Variants in KCNIP1 observed in about 807,000 individuals in gnomAD.
The protein encoded by KCNIP1 is potassium voltage-gated channel interacting protein 1.
A neutral mutation model predicts 33.0 loss-of-function variants in KCNIP1; 18 were observed. The ratio of observed to expected loss-of-function variants is 0.55; its 90% CI spans 0.38 to 0.81. KCNIP1 has a LOEUF of 0.81. Among genes scored for constraint, KCNIP1 ranks in the 30% least tolerant of loss-of-function variants. The probability of loss-of-function intolerance (pLI) is 0.00; values close to 1 mark genes in which losing one functional copy is unlikely to be tolerated. For synonymous variants in KCNIP1, 93 were observed against 98.3 expected (o/e 0.95, Z 0.32); for missense variants, 238 against 271.6 (o/e 0.88, Z 0.87).
intron 1 of KCNIP1, among the ~76,000 whole-genome samples, chr5:170,418,390 C>G (rs574021546): frequency 2.0e-5 from 3 of 152,180 alleles, no homozygotes; most frequent in African/African-American, 7.2e-5. Context: ...GACTGCACCA[C>G]TGCGCTCCAG....
At chr5:170,599,125 AACTG>A (rs1269336069) in intron 1 of KCNIP1, among the ~76,000 whole-genome samples, 1 of 152,020 alleles carries the variant, frequency 6.6e-6, no homozygotes, top group Non-Finnish European at 1.5e-5. Flanking sequence ...CACCAGATAG[AACTG>A]ACTCACTCCT....
At chr5:170,644,695 G>C (rs978983326) in intron 1 of KCNIP1, among the ~76,000 whole-genome samples, 3 of 152,240 alleles carry the variant, frequency 2.0e-5, no homozygotes, top group Non-Finnish European at 4.4e-5. Flanking sequence ...CCATCAGCAG[G>C]GGACACTGGC....
At chr5:170,383,718 C>T (rs1334108122) in intron 1 of KCNIP1, 8 of 1,614,076 alleles carry the variant, frequency 5.0e-6, no homozygotes, top group African/African-American at 1.3e-5. Flanking sequence ...TGTGGTACAG[C>T]ACAGCCCACC....
intron 1 of KCNIP1, chr5:170,378,242 G>A (rs1447324638): frequency 6.4e-6 from 1 of 157,308 alleles, no homozygotes; most frequent in Non-Finnish European, 1.4e-5. Flanking sequence ...TAGTAATACT[G>A]TAAATGTGTT....
chr5:170,600,741 A>G (rs534307710), intron 1 of KCNIP1, among the ~76,000 whole-genome samples: 4 of 152,330 alleles, frequency 2.6e-5, no homozygotes, highest in Non-Finnish European at 4.4e-5. Flanking sequence ...TTAGAGCTTA[A>G]GCTCTGCATC....
At chr5:170,611,722 A>G (rs531595077) in intron 1 of KCNIP1, among the ~76,000 whole-genome samples, 1 of 152,300 alleles carries the variant, frequency 6.6e-6, no homozygotes, top group East Asian at 1.9e-4. Flanking sequence ...TTCAGAGGAA[A>G]GAGCAGGAAC....
At chr5:170,599,791 G>C (rs1029532184) in intron 1 of KCNIP1, among the ~76,000 whole-genome samples, 1 of 152,226 alleles carries the variant, frequency 6.6e-6, no homozygotes, top group African/African-American at 2.4e-5. Context: ...TTCCTCCAGC[G>C]TTGACTTATG....
At position 170,514,150 on chromosome 5, in the gene KCNIP1, C is replaced by T. The variant is rs190038457; in HGVS notation, c.61+9517C>T. ...GCAGTTACAGCTAGTTTCCCAACTC[C>T]CAGGAACTGAAAATGACAGCCTCCT... On this transcript the variant is annotated intron_variant, in intron 1 of 7. Transcript: ENST00000328939. Among the ~76,000 whole-genome samples the T allele has an allele frequency of 2.6e-5, 4 of 152,272 alleles. No individual in the cohort carries two copies. In the East Asian group the frequency reaches 7.8e-4, roughly 30 times the overall value.
intron 1 of KCNIP1, among the ~76,000 whole-genome samples, chr5:170,427,405 A>G (rs550267146): frequency 2.6e-5 from 4 of 152,170 alleles, no homozygotes; most frequent in Admixed American, 2.0e-4. Context: ...CAACCATCTC[A>G]TCTAATCCTC....
At chr5:170,686,309 G>T (rs1184216604) in intron 1 of KCNIP1, among the ~76,000 whole-genome samples, 1 of 152,098 alleles carries the variant, frequency 6.6e-6, no homozygotes, top group Non-Finnish European at 1.5e-5. Flanking sequence ...GAGAGAAACT[G>T]TCAGAAATAG....
chr5:170,702,680 T>C (rs193100580), intron 1 of KCNIP1, among the ~76,000 whole-genome samples: 68 of 152,252 alleles, frequency 4.5e-4, no homozygotes, highest in Non-Finnish European at 7.2e-4. Flanking sequence ...CAGAGACCCT[T>C]AGGGTGGTCC....
At chr5:170,389,134 C>T (rs889294795) in intron 1 of KCNIP1, 1 of 152,312 alleles carries the variant, frequency 6.6e-6, no homozygotes, top group African/African-American at 2.4e-5. Flanking sequence ...AGGACAGCCC[C>T]GAGAGGAAGG....
rs1156749563 is a variant in KCNIP1 at position 170,718,739 on chromosome 5, C to T, written c.62-19C>T. 4.3e-6 allele frequency: 7 copies of T among 1,613,254 alleles called. No individual in the cohort carries two copies. The highest frequency in any genetic ancestry group is 5.1e-6 in the Non-Finnish European group (6 of 1,179,654). On this transcript the variant is annotated intron_variant, in intron 1 of 7. Coordinates refer to ENST00000328939, the MANE Select transcript of KCNIP1 (RefSeq NM_014592.4). ...ACTCCCAAGCTCAACCATTCCAATG[C>T]CATCTCCTCTGGTTCCAGATAAGAT...
At chr5:170,687,578 T>C (rs1478333272) in intron 1 of KCNIP1, among the ~76,000 whole-genome samples, 1 of 152,216 alleles carries the variant, frequency 6.6e-6, no homozygotes, top group Non-Finnish European at 1.5e-5. Context: ...CTTTAAAAGC[T>C]AGAGAGAAGA....
chr5:170,405,816 A>G lies in KCNIP1; in HGVS notation c.88+51852A>G, dbSNP rs184714415. Among the ~76,000 whole-genome samples, 5 of 152,226 alleles carry G rather than the reference A, an allele frequency of 3.3e-5. No individual in the cohort carries two copies. In the East Asian group the frequency reaches 7.8e-4, roughly 24 times the overall value. On this transcript the variant is annotated intron_variant, in intron 1 of 7. Transcript: ENST00000377360. The stretch of plus-strand genomic sequence containing the variant: ...TGGGGAGCAGGTGGTATCACAGACG[A>G]GCTCCCATCCCAGGCTGGCTCTCAC...
intron 1 of KCNIP1, among the ~76,000 whole-genome samples, chr5:170,559,777 T>C (rs2113450537): frequency 6.6e-6 from 1 of 152,304 alleles, no homozygotes; most frequent in East Asian, 1.9e-4. Flanking sequence ...GCTGTTAACC[T>C]GATGTGTCAG....
At chr5:170,735,014 C>A (rs1764331837) in intron 7 of KCNIP1, among the ~76,000 whole-genome samples, 1 of 152,202 alleles carries the variant, frequency 6.6e-6, no homozygotes, top group African/African-American at 2.4e-5. Context: ...CAGCCTGAAA[C>A]CCTCACCAGA....
chr5:170,513,052 A>G (rs1207657299), intron 1 of KCNIP1, among the ~76,000 whole-genome samples: 1 of 137,974 alleles, frequency 7.2e-6, no homozygotes, highest in African/African-American at 2.9e-5. Context: ...TCCATCTTGG[A>G]AAAAAAAAAA....
chr5:170,387,411 C>T (rs1581138405), intron 1 of KCNIP1, among the ~76,000 whole-genome samples: 1 of 152,302 alleles, frequency 6.6e-6, no homozygotes, highest in East Asian at 1.9e-4. Context: ...GACTCCCTCC[C>T]CTTAGCCAGG....
Sources: gnomAD v4.1 joint callset for allele counts (sites outside exome capture counted in the v4.1 genomes callset) on GRCh38, gnomAD v4.1.1 for gene constraint, MANE v1.5 for transcripts, NCBI Gene and HGNC (gene_info 2026-07-23, HGNC 2026-07-21) for gene names.